ZFHX3: variants seen among roughly 807,000 people sequenced by gnomAD.
ZFHX3 encodes zinc finger homeobox 3.
In ZFHX3, 42 loss-of-function variants were observed where a neutral mutation model predicts 279.1. That is an observed-to-expected ratio of 0.15 (90% confidence interval 0.12 to 0.19). The LOEUF is 0.19. Among genes scored for constraint, ZFHX3 ranks in the 10% least tolerant of loss-of-function variants. ZFHX3 has a pLI of 1.00. For missense variants in ZFHX3, 4,981 were observed against 4,754.0 expected, an observed-to-expected ratio of 1.05 and a Z score of -1.40; for synonymous variants, 2,293 against 1,957.8, an observed-to-expected ratio of 1.17 and a Z score of -4.52.
chr16:73,021,241 C>A (rs1054627981), intron 1 of ZFHX3, among the ~76,000 whole-genome samples: 1 of 152,104 alleles, frequency 6.6e-6, no homozygotes, highest in Non-Finnish European at 1.5e-5. Context: ...AAACGGGGCT[C>A]GAGGTTCTGG....
intron 3 of ZFHX3, among the ~76,000 whole-genome samples, chr16:72,891,598 C>T (rs2038775261): frequency 6.6e-6 from 1 of 152,168 alleles, no homozygotes; most frequent in Admixed American, 6.5e-5. Context: ...GGGAAACACT[C>T]CCCAAAAGCT....
intron 2 of ZFHX3, among the ~76,000 whole-genome samples, chr16:73,462,782 A>G (rs2018494851): frequency 6.6e-6 from 1 of 152,176 alleles, no homozygotes; most frequent in African/African-American, 2.4e-5. Context: ...GTCACGGTGT[A>G]TCATTCTCAT....
chr16:73,713,246 A>C (rs2053381713), intron 1 of ZFHX3, among the ~76,000 whole-genome samples: 1 of 152,220 alleles, frequency 6.6e-6, no homozygotes, highest in Non-Finnish European at 1.5e-5. Context: ...CCTCTCCGGA[A>C]CATGCATTCC....
At chr16:73,536,267 A>G (rs1415165987) in intron 2 of ZFHX3, among the ~76,000 whole-genome samples, 1 of 152,226 alleles carries the variant, frequency 6.6e-6, no homozygotes, top group African/African-American at 2.4e-5. Context: ...TTCAAAATAT[A>G]AAGTTTATAT....
chr16:73,280,690 T>C (rs1399979508), intron 4 of ZFHX3, among the ~76,000 whole-genome samples: 3 of 151,890 alleles, frequency 2.0e-5, no homozygotes, highest in Non-Finnish European at 1.5e-5. Flanking sequence ...GAAAATAGCA[T>C]AGAGGTGGCC....
intron 1 of ZFHX3, among the ~76,000 whole-genome samples, chr16:73,823,366 C>T (rs990469549): frequency 1.3e-5 from 2 of 152,106 alleles, no homozygotes; most frequent in African/African-American, 4.8e-5. Context: ...ACAATGCAAT[C>T]CCTGGGCCCA....
intron 3 of ZFHX3, among the ~76,000 whole-genome samples, chr16:73,349,286 C>G: frequency 6.6e-6 from 1 of 152,188 alleles, no homozygotes; most frequent in East Asian, 1.9e-4. Flanking sequence ...TCCTCACACC[C>G]TTCCCCTGGA....
At chr16:73,186,018 G>C (rs925826127) in intron 5 of ZFHX3, among the ~76,000 whole-genome samples, 2 of 152,060 alleles carry the variant, frequency 1.3e-5, no homozygotes, top group African/African-American at 2.4e-5. Flanking sequence ...CTGCATATGC[G>C]AGGGATCTAG....
In ZFHX3 at chr16:72,787,563, T is replaced by C; in HGVS notation, c.10713A>G (p.Leu3571=). Reference sequence around the variant, plus strand: ...CGGGGAAGCAGGCAGAGTGAGGTAATAAACTAGGGTGCTCTTTGGCGTTTC... The same window carrying C: ...CGGGGAAGCAGGCAGAGTGAGGTAACAAACTAGGGTGCTCTTTGGCGTTTC... ...AARNAKEHPS[L]LPHSACFPDP... Residue 3571 remains leucine (L), a synonymous_variant, in exon 10 of 10, where the codon TTA becomes TTG. Transcript: ENST00000268489. 5 of 1,613,862 alleles carry C rather than the reference T, an allele frequency of 3.1e-6. No individual in the cohort carries two copies. Among genetic ancestry groups the C allele is most frequent in the Non-Finnish European group, 4.2e-6 (5 of 1,179,960 alleles).
intron 2 of ZFHX3, among the ~76,000 whole-genome samples, chr16:73,474,820 T>C (rs546215110): frequency 6.6e-6 from 1 of 152,336 alleles, no homozygotes; most frequent in Admixed American, 6.5e-5. Context: ...CGTGGTTGGT[T>C]ATGTCGATTA....
At chr16:73,772,987 T>C (rs932356383) in intron 1 of ZFHX3, among the ~76,000 whole-genome samples, 2 of 152,216 alleles carry the variant, frequency 1.3e-5, no homozygotes, top group South Asian at 2.1e-4. Flanking sequence ...CTCCAGGACT[T>C]GGCTGTGTCA....
At chr16:73,291,214 C>G (rs1325248628) in intron 4 of ZFHX3, among the ~76,000 whole-genome samples, 1 of 152,172 alleles carries the variant, frequency 6.6e-6, no homozygotes, top group Non-Finnish European at 1.5e-5. Flanking sequence ...AAACCCCACA[C>G]CAGCTCTGTA....
chr16:72,805,226 C>T (rs769702074), intron 7 of ZFHX3, among the ~76,000 whole-genome samples: 1 of 151,972 alleles, frequency 6.6e-6, no homozygotes, highest in South Asian at 2.1e-4. Context: ...AAGTGATCTG[C>T]CCCCATCAGC....
chr16:73,745,252 C>A (rs1193557122), intron 1 of ZFHX3, among the ~76,000 whole-genome samples: 2 of 152,150 alleles, frequency 1.3e-5, no homozygotes, highest in Non-Finnish European at 2.9e-5. Context: ...GGGTGTCAGC[C>A]TAGTAGTTGT....
chr16:72,795,831 C>T lies in ZFHX3; in HGVS notation c.6851G>A (p.Arg2284Gln), dbSNP rs2035883392. The change falls in exon 9 of 10, where the codon CGA (arginine) becomes CAA (glutamine). Residue 2284 changes from arginine to glutamine, a missense_variant. Physicochemically the swap from Arg to Gln is conservative, Grantham distance 43. Coordinates refer to ENST00000268489, the MANE Select transcript of ZFHX3 (RefSeq NM_006885.4). ...QLSNLLNLPT[R>Q]VIVVWFQNAR... ...ATTCTGAAACCACACCACTATCACT[C>T]GGGTTGGAAGGTTCAGTAAATTAGA... The T allele has an allele frequency of 3.1e-6, 5 of 1,614,038 alleles. No individual in the cohort carries two copies. Among genetic ancestry groups the T allele is most frequent in the African/African-American group, 1.3e-5 (1 of 74,910 alleles).
At chr16:72,975,597 G>A (rs1962315154) in intron 1 of ZFHX3, among the ~76,000 whole-genome samples, 1 of 152,196 alleles carries the variant, frequency 6.6e-6, no homozygotes, top group African/African-American at 2.4e-5. Flanking sequence ...TTTTAATCAA[G>A]AAATCCATAT....
chr16:73,211,529 C>A (rs1213364185), intron 5 of ZFHX3, among the ~76,000 whole-genome samples: 1 of 152,036 alleles, frequency 6.6e-6, no homozygotes, highest in South Asian at 2.1e-4. Flanking sequence ...GGAAATATAC[C>A]TGTATCACTA....
intron 8 of ZFHX3, among the ~76,000 whole-genome samples, chr16:73,090,219 C>A (rs1380615606): frequency 2.0e-5 from 3 of 151,170 alleles, no homozygotes; most frequent in East Asian, 2.0e-4. Flanking sequence ...CATGGGGAAA[C>A]CCCATCTCTA....
At chr16:73,702,531 G>A (rs1352199858) in intron 1 of ZFHX3, among the ~76,000 whole-genome samples, 1 of 152,164 alleles carries the variant, frequency 6.6e-6, no homozygotes, top group African/African-American at 2.4e-5. Context: ...AAATGAAGGG[G>A]AATAAAAATC....
Sources: allele counts gnomAD v4.1 joint callset (sites outside exome capture counted in the v4.1 genomes callset), GRCh38; gene constraint gnomAD v4.1.1; transcripts MANE v1.5; gene names NCBI Gene and HGNC (gene_info 2026-07-23, HGNC 2026-07-21).